Variants in CA8 observed in about 807,000 individuals in gnomAD.
CA8 encodes carbonic anhydrase-related protein.
A neutral mutation model predicts 41.4 loss-of-function variants in CA8; 22 were observed. The ratio of observed to expected loss-of-function variants is 0.53; its 90% confidence interval spans 0.38 to 0.76. CA8 has a LOEUF of 0.76. Ranked by LOEUF, CA8 falls within the 30% of genes least tolerant of loss-of-function variation. The pLI is 0.00. For synonymous variants in CA8, 121 were observed against 130.6 expected (o/e 0.93, Z 0.50); for missense variants, 270 against 352.8 (o/e 0.77, Z 1.88).
At chr8:60,251,263 C>T (rs1808434437) in intron 3 of CA8, among the ~76,000 whole-genome samples, 1 of 152,212 alleles carries the variant, frequency 6.6e-6, no homozygotes, top group Non-Finnish European at 1.5e-5. Context: ...AGAAGGACGT[C>T]TCTGTCCTCT....
chr8:60,222,307 C>T (rs1036108836), intron 7 of CA8, among the ~76,000 whole-genome samples: 3 of 151,798 alleles, frequency 2.0e-5, no homozygotes, highest in Admixed American at 1.3e-4. Flanking sequence ...GAGTGACTTA[C>T]AGAAATAACC....
intron 3 of CA8, among the ~76,000 whole-genome samples, chr8:60,236,818 C>T (rs1807845449): frequency 6.6e-6 from 1 of 152,134 alleles, no homozygotes; most frequent in South Asian, 2.1e-4. Flanking sequence ...TGGATACACG[C>T]TCCAAAGTTT....
At chr8:60,256,255 G>C (rs1479428105) in intron 3 of CA8, among the ~76,000 whole-genome samples, 4 of 152,108 alleles carry the variant, frequency 2.6e-5, no homozygotes, top group Non-Finnish European at 1.5e-5. Context: ...TATAAGGGTA[G>C]GTAGAATTTT....
chr8:60,259,888 C>A (rs140353692), intron 3 of CA8, among the ~76,000 whole-genome samples: 1 of 151,474 alleles, frequency 6.6e-6, no homozygotes. Flanking sequence ...ACCAAATAAT[C>A]ATCATCATAA....
At chr8:60,222,824 CCAA>C (rs1489951429) in intron 6 of CA8, 63 bp from the exon 7 acceptor site, 14 of 992,786 alleles carry the variant, frequency 1.4e-5, no homozygotes, top group Non-Finnish European at 2.3e-5. Flanking sequence ...CCTGATGACT[CCAA>C]CAACAATTTT....
chr8:60,257,495 G>A (rs1270788763), intron 3 of CA8, among the ~76,000 whole-genome samples: 2 of 152,180 alleles, frequency 1.3e-5, no homozygotes, highest in African/African-American at 4.8e-5. Context: ...GATTGCAGAG[G>A]TTAGATGTAA....
chr8:60,200,462 T>C (rs973276953), intron 8 of CA8, among the ~76,000 whole-genome samples: 6 of 152,216 alleles, frequency 3.9e-5, no homozygotes, highest in African/African-American at 1.4e-4. Context: ...GTTTTTGCCA[T>C]ATGTAAGCAA....
intron 3 of CA8, among the ~76,000 whole-genome samples, chr8:60,262,768 T>A (rs1414985565): frequency 6.6e-6 from 1 of 152,210 alleles, no homozygotes; most frequent in East Asian, 1.9e-4. Context: ...GTATTCACAA[T>A]AGAATTCAGA....
chr8:60,212,695 G>C (rs1025956338), intron 7 of CA8, among the ~76,000 whole-genome samples: 3 of 152,188 alleles, frequency 2.0e-5, no homozygotes, highest in African/African-American at 4.8e-5. Context: ...AGTTATGCAA[G>C]ATAAATAAGT....
At chr8:60,225,096 G>A (rs768927859) in intron 5 of CA8, among the ~76,000 whole-genome samples, 1 of 151,988 alleles carries the variant, frequency 6.6e-6, no homozygotes, top group Non-Finnish European at 1.5e-5. Flanking sequence ...CATCTGGAAA[G>A]GGAGATCTGA....
At chr8:60,193,347 G>C (rs1806189686) in intron 8 of CA8, among the ~76,000 whole-genome samples, 1 of 152,092 alleles carries the variant, frequency 6.6e-6, no homozygotes, top group Admixed American at 6.6e-5. Flanking sequence ...TGACTGCCTG[G>C]TTTGCCTATG....
At chr8:60,279,115 TTAAA>T (rs140904427) in intron 2 of CA8, among the ~76,000 whole-genome samples, 2,058 of 151,306 alleles carry the variant, frequency 0.014, 42 homozygotes, top group African/African-American at 0.048. Flanking sequence ...GGGATGGAAC[TTAAA>T]TAAATAAATA....
chr8:60,190,957 T>TATATATATATATATATACACAC lies in CA8; in HGVS notation c.*36-973_*36-972insGTGTGTATATATATATATATAT, dbSNP rs1554573722. Among the ~76,000 whole-genome samples the TATATATATATATATATACACAC allele has an allele frequency of 4.3e-3, 447 of 104,132 alleles. 12 individuals carry two copies. Among genetic ancestry groups the TATATATATATATATATACACAC allele is most frequent in the East Asian group, 0.015 (53 of 3,504 alleles). The allele number at this position is 104,132 out of a possible 152,430, so 68.3% of individuals were successfully genotyped here. On this transcript the variant is annotated intron_variant, in intron 8 of 8. Coordinates refer to ENST00000317995, the MANE Select transcript of CA8 (RefSeq NM_004056.6). ...CACACACTATATATATATATATATA[T>TATATATATATATATATACACAC]ACACACACACATTTCTACATATGCA...
At chr8:60,203,242 T>C (rs981256271) in intron 8 of CA8, among the ~76,000 whole-genome samples, 1 of 151,908 alleles carries the variant, frequency 6.6e-6, no homozygotes, top group African/African-American at 2.4e-5. Context: ...CTAAAACAAA[T>C]TGTCAAGGTG....
At chr8:60,267,836 T>C (rs1472768061) in intron 2 of CA8, among the ~76,000 whole-genome samples, 1 of 152,226 alleles carries the variant, frequency 6.6e-6, no homozygotes, top group Non-Finnish European at 1.5e-5. Context: ...AAACTTTTAA[T>C]ATATGGATCA....
At chr8:60,203,745 C>CA (rs1806498736) in intron 8 of CA8, among the ~76,000 whole-genome samples, 1 of 151,998 alleles carries the variant, frequency 6.6e-6, no homozygotes, top group African/African-American at 2.4e-5. Flanking sequence ...GTTTTTTTAG[C>CA]ATTTTTAGTA....
chr8:60,237,795 G>A (rs2130511169), intron 3 of CA8, among the ~76,000 whole-genome samples: 1 of 152,338 alleles, frequency 6.6e-6, no homozygotes, highest in South Asian at 2.1e-4. Context: ...GCACCTCAGG[G>A]TAGAAGAAAG....
Position 60,232,598 on chromosome 8 carries a change from A to C in CA8, c.418-219T>G, listed in dbSNP as rs949545305. The C allele has an allele frequency of 6.9e-6, 4 of 581,346 alleles. No individual in the cohort carries two copies. In the African/African-American group the frequency reaches 7.4e-5, roughly 11 times the overall value. The allele number at this position is 581,346 out of a possible 1,614,324, so 36.0% of individuals were successfully genotyped here. On this transcript the variant is annotated intron_variant, in intron 3 of 8. Coordinates refer to ENST00000317995, the MANE Select transcript of CA8 (RefSeq NM_004056.6). ...GTGCTTAGTGGATCACTGCCTCTTA[A>C]GTCCAGTTTTAGTCCTGATGAGGAG... is the stretch of plus-strand genomic sequence containing the variant.
At chr8:60,217,126 C>T (rs112516835) in intron 7 of CA8, among the ~76,000 whole-genome samples, 1,531 of 152,166 alleles carry the variant, frequency 0.01, 18 homozygotes, top group African/African-American at 0.035. Flanking sequence ...TCAGGTGATC[C>T]GTCCACCTCA....
Sources: gnomAD v4.1 joint callset for allele counts (sites outside exome capture counted in the v4.1 genomes callset) on GRCh38, gnomAD v4.1.1 for gene constraint, MANE v1.5 for transcripts, NCBI Gene and HGNC (gene_info 2026-07-23, HGNC 2026-07-21) for gene names.